Variants in KDM4C observed in about 807,000 individuals in gnomAD.
KDM4C encodes lysine-specific demethylase 4C.
Under a neutral mutation model 129.3 loss-of-function variants are expected in KDM4C, and 81 were observed. The ratio of observed to expected loss-of-function variants is 0.63; its 90% CI spans 0.52 to 0.75. The LOEUF (loss-of-function observed/expected upper bound fraction) is 0.75. Ranked by LOEUF, KDM4C falls within the 30% of genes least tolerant of loss-of-function variation. The pLI is 0.00. For missense variants in KDM4C, 1,457 were observed against 1,304.0 expected (o/e 1.12, Z -1.81); for synonymous variants, 573 against 456.1 (o/e 1.26, Z -3.26).
At chr9:6,760,170 C>T (rs1007796643) in intron 1 of KDM4C, among the ~76,000 whole-genome samples, 8 of 151,760 alleles carry the variant, frequency 5.3e-5, no homozygotes, top group Non-Finnish European at 1.0e-4. Flanking sequence ...ATAGATTTGG[C>T]TATTCTGGAC....
chr9:6,991,428 C>T (rs573917627), intron 12 of KDM4C, among the ~76,000 whole-genome samples: 2 of 151,864 alleles, frequency 1.3e-5, no homozygotes, highest in South Asian at 4.2e-4. Flanking sequence ...TTTTTGTTGC[C>T]TCAAATTAAA....
chr9:6,874,559 C>A (rs755755913), intron 5 of KDM4C, among the ~76,000 whole-genome samples: 25 of 151,972 alleles, frequency 1.6e-4, no homozygotes, highest in African/African-American at 5.6e-4. Flanking sequence ...CATTTTATAA[C>A]GGAATTAGAT....
chr9:6,977,166 T>G (rs1039910146), intron 8 of KDM4C, among the ~76,000 whole-genome samples: 1 of 152,180 alleles, frequency 6.6e-6, no homozygotes, highest in African/African-American at 2.4e-5. Context: ...CATATTTAAA[T>G]CTTCAAAATA....
intron 5 of KDM4C, among the ~76,000 whole-genome samples, chr9:6,850,633 T>C (rs1838669764): frequency 6.6e-6 from 1 of 152,168 alleles, no homozygotes; most frequent in Admixed American, 6.5e-5. Context: ...GGTTTCACCA[T>C]GTTGCCCAGG....
At chr9:7,161,370 G>C (rs966611464) in intron 19 of KDM4C, among the ~76,000 whole-genome samples, 5 of 152,098 alleles carry the variant, frequency 3.3e-5, no homozygotes, top group African/African-American at 1.2e-4. Flanking sequence ...AGATGAACCA[G>C]GTATCTCAGT....
At chr9:6,973,306 G>T (rs1359171153) in intron 8 of KDM4C, among the ~76,000 whole-genome samples, 2 of 152,156 alleles carry the variant, frequency 1.3e-5, no homozygotes, top group African/African-American at 4.8e-5. Context: ...GCCTTCCAAA[G>T]TGCTAGGATT....
intron 19 of KDM4C, among the ~76,000 whole-genome samples, chr9:7,160,814 C>T (rs1256988952): frequency 6.6e-6 from 1 of 152,136 alleles, no homozygotes; most frequent in Admixed American, 6.5e-5. Context: ...GGCAGTGTGC[C>T]CTTCCTCAGA....
At chr9:7,011,120 C>A (rs1822611468) in intron 12 of KDM4C, among the ~76,000 whole-genome samples, 1 of 152,122 alleles carries the variant, frequency 6.6e-6, no homozygotes, top group African/African-American at 2.4e-5. Context: ...ATGAGAAGAT[C>A]TGACTAGGGA....
At chr9:6,913,511 C>T (rs946847553) in intron 8 of KDM4C, among the ~76,000 whole-genome samples, 7 of 152,188 alleles carry the variant, frequency 4.6e-5, no homozygotes, top group African/African-American at 1.2e-4. Flanking sequence ...CAGTGCGCTT[C>T]TCCATTGGGA....
At chr9:6,984,538 G>A in intron 10 of KDM4C, 134 bp downstream of exon 10, 1 of 643,958 alleles carries the variant, frequency 1.6e-6, no homozygotes, top group South Asian at 1.8e-5. Flanking sequence ...AAAGTCATGG[G>A]TAACTCAACC....
intron 6 of KDM4C, among the ~76,000 whole-genome samples, chr9:6,880,867 C>G (rs941046101): frequency 6.6e-6 from 1 of 152,156 alleles, no homozygotes; most frequent in African/African-American, 2.4e-5. Flanking sequence ...ACATTCACCC[C>G]CTGCCATCCT....
At position 7,011,843 on chromosome 9, in the gene KDM4C, CTG is replaced by C. The variant is rs775967563; in HGVS notation, c.1935_1936del (p.Ala646HisfsTer13). 3 of 1,614,012 alleles carry C rather than the reference CTG, an allele frequency of 1.9e-6. No homozygotes were observed. The highest frequency in any genetic ancestry group is 1.7e-5 in the Admixed American group (1 of 60,028). On this transcript the variant is annotated frameshift_variant, in exon 13 of 22. Coordinates refer to ENST00000381309, the MANE Select transcript of KDM4C (RefSeq NM_015061.6). LOFTEE classifies it high-confidence loss of function. ...CAACAGTGGCCAGGATGAAGCCACACTGTGCCATCTGCACTCTGCTCATGCCG... is the reference window on the plus strand; with the variant it reads ...CAACAGTGGCCAGGATGAAGCCACACTGCCATCTGCACTCTGCTCATGCCG... ...NATVARMKPH[C>X]AICTLLMPYH... is the part of the protein sequence containing the mutation.
At chr9:6,984,035 G>T in intron 9 of KDM4C, 131 bp from the exon 10 acceptor site, 1 of 601,528 alleles carries the variant, frequency 1.7e-6, no homozygotes, top group Non-Finnish European at 3.0e-6. Flanking sequence ...TGTGAACATT[G>T]ACTTGGCATA....
At chr9:6,814,580 C>T (rs1199253651) in intron 3 of KDM4C, 51 bp from the exon 4 acceptor site, 2 of 1,188,074 alleles carry the variant, frequency 1.7e-6, no homozygotes, top group Non-Finnish European at 2.4e-6. Context: ...GTGGGAAAAA[C>T]CCTAAAACTG....
At chr9:6,976,500 G>A (rs898111702) in intron 8 of KDM4C, among the ~76,000 whole-genome samples, 3 of 152,144 alleles carry the variant, frequency 2.0e-5, no homozygotes, top group African/African-American at 7.2e-5. Context: ...GGTTCTTAAA[G>A]CCATTGAACA....
At chr9:7,048,090 G>T (rs146407918) in intron 16 of KDM4C, among the ~76,000 whole-genome samples, 257 of 152,128 alleles carry the variant, frequency 1.7e-3, no homozygotes, top group African/African-American at 6.0e-3. Flanking sequence ...GATATGATTC[G>T]CACTATACTG....
In KDM4C at chr9:7,147,637, G is replaced by A. The variant is rs1418235878; in HGVS notation, c.2782-17601G>A. Among the ~76,000 whole-genome samples the A allele has an allele frequency of 7.2e-5, 11 of 152,234 alleles. No individual in the cohort carries two copies. In the East Asian group the frequency reaches 2.1e-3, roughly 29 times the overall value. On this transcript the variant is annotated intron_variant, in intron 19 of 21. Coordinates refer to ENST00000381309, the MANE Select transcript of KDM4C (RefSeq NM_015061.6). ...TTGGGGGTGAGAAGTTAAAGTCCTGGGGTGTTCTACAGGAGGACACAGTGA... is the reference window on the plus strand; with the variant it reads ...TTGGGGGTGAGAAGTTAAAGTCCTGAGGTGTTCTACAGGAGGACACAGTGA...
chr9:6,958,098 T>TTA (rs56714055), intron 8 of KDM4C, among the ~76,000 whole-genome samples: 1 of 147,802 alleles, frequency 6.8e-6, no homozygotes, highest in Non-Finnish European at 1.5e-5. Flanking sequence ...TTTTTTTTTT[T>TTA]AATAATTGCT....
chr9:6,728,679 T>A (rs1047262240), intron 1 of KDM4C, among the ~76,000 whole-genome samples: 5 of 151,406 alleles, frequency 3.3e-5, no homozygotes, highest in Non-Finnish European at 7.4e-5. Flanking sequence ...ACCCCATCTC[T>A]ACTAAAAATT....
Sources: allele counts gnomAD v4.1 joint callset (sites outside exome capture counted in the v4.1 genomes callset), GRCh38; gene constraint gnomAD v4.1.1; transcripts MANE v1.5; gene names NCBI Gene and HGNC (gene_info 2026-07-23, HGNC 2026-07-21).